Variants in SLC35D4 observed in about 807,000 individuals in gnomAD.
SLC35D4 encodes the protein solute carrier family 35 member D4, also known as UDP-N-acetylglucosamine transporter SLC35D4.
chr18:23,425,888 T>A, the SLC35D4 span, among the ~76,000 whole-genome samples: 1 of 152,200 alleles, frequency 6.6e-6, no homozygotes, highest in Non-Finnish European at 1.5e-5. Context: ...GACAATTTCC[T>A]TACATTGCAC....
chr18:23,338,170 C>A, the SLC35D4 span, among the ~76,000 whole-genome samples: 1 of 152,182 alleles, frequency 6.6e-6, no homozygotes, highest in Admixed American at 6.5e-5. Flanking sequence ...ATCAATGACT[C>A]TTTATATAGG....
the SLC35D4 span, among the ~76,000 whole-genome samples, chr18:23,287,474 AG>A: frequency 6.6e-6 from 1 of 152,146 alleles, no homozygotes; most frequent in Non-Finnish European, 1.5e-5. Context: ...CTTATCTGTT[AG>A]CTATCTCAGC....
At chr18:23,308,162 C>T in the SLC35D4 span, among the ~76,000 whole-genome samples, 1 of 152,150 alleles carries the variant, frequency 6.6e-6, no homozygotes, top group East Asian at 1.9e-4. Context: ...GAGGTCACCT[C>T]GATTTGAAGG....
chr18:23,346,740 CTA>C, the SLC35D4 span, among the ~76,000 whole-genome samples: 1 of 152,016 alleles, frequency 6.6e-6, no homozygotes, highest in Admixed American at 6.6e-5. Flanking sequence ...TGAATAGATG[CTA>C]GATTTTGTCA....
the SLC35D4 span, among the ~76,000 whole-genome samples, chr18:23,289,367 C>A: frequency 6.6e-6 from 1 of 152,216 alleles, no homozygotes; most frequent in Non-Finnish European, 1.5e-5. Context: ...TTCTCTTATT[C>A]CGTTTAGTTT....
At chr18:23,373,442 G>C in the SLC35D4 span, among the ~76,000 whole-genome samples, 5 of 152,228 alleles carry the variant, frequency 3.3e-5, no homozygotes, top group African/African-American at 7.2e-5. Context: ...AGGTTCACCA[G>C]GCATGTACAG....
the SLC35D4 span, chr18:23,368,578 C>A: frequency 1.7e-6 from 1 of 605,330 alleles, no homozygotes. Flanking sequence ...GTCTCCTCAA[C>A]TCTGTCATCT....
the SLC35D4 span, among the ~76,000 whole-genome samples, chr18:23,242,560 A>G: frequency 1.3e-5 from 2 of 151,960 alleles, no homozygotes; most frequent in South Asian, 2.1e-4. Context: ...CCCCCTCTTT[A>G]TGGGTGTGGA....
At chr18:23,299,128 A>G in the SLC35D4 span, among the ~76,000 whole-genome samples, 2 of 152,216 alleles carry the variant, frequency 1.3e-5, no homozygotes, top group African/African-American at 4.8e-5. Context: ...AATCAGGCCA[A>G]TTCAAGCTCT....
chr18:23,287,168 C>T, the SLC35D4 span, among the ~76,000 whole-genome samples: 1 of 152,208 alleles, frequency 6.6e-6, no homozygotes, highest in Non-Finnish European at 1.5e-5. Context: ...TAAAACCAGA[C>T]AAGCCTTACT....
At chr18:23,365,426 C>A in the SLC35D4 span, among the ~76,000 whole-genome samples, 2 of 152,094 alleles carry the variant, frequency 1.3e-5, no homozygotes, top group Admixed American at 1.3e-4. Context: ...TGGATGAAAA[C>A]ACAGACAACA....
At chr18:23,346,900 A>T in the SLC35D4 span, among the ~76,000 whole-genome samples, 10 of 152,218 alleles carry the variant, frequency 6.6e-5, no homozygotes, top group Admixed American at 3.3e-4. Context: ...AATTCTTTTT[A>T]TATGTTGCCA....
chr18:23,311,786 G>A, the SLC35D4 span, among the ~76,000 whole-genome samples: 1 of 152,082 alleles, frequency 6.6e-6, no homozygotes, highest in Non-Finnish European at 1.5e-5. Context: ...CATTGTTTGT[G>A]CCTGTTTGAT....
the SLC35D4 span, among the ~76,000 whole-genome samples, chr18:23,282,038 CACTTA>C: frequency 2.0e-5 from 3 of 152,240 alleles, no homozygotes; most frequent in African/African-American, 7.2e-5. Context: ...TTAACAGCTC[CACTTA>C]ACTTCTATTT....
At chr18:23,331,401 C>T in the SLC35D4 span, 2 of 152,156 alleles carry the variant, frequency 1.3e-5, no homozygotes, top group Non-Finnish European at 2.9e-5. Flanking sequence ...CCCCCCGCCA[C>T]CACCTGTAGT....
chr18:23,253,261 T>C, the SLC35D4 span, among the ~76,000 whole-genome samples: 12 of 152,168 alleles, frequency 7.9e-5, no homozygotes, highest in Non-Finnish European at 1.6e-4. Context: ...AGTGGGCGGA[T>C]CACCTGAGGT....
chr18:23,402,789 G>A, the SLC35D4 span, among the ~76,000 whole-genome samples: 1 of 149,040 alleles, frequency 6.7e-6, no homozygotes. Flanking sequence ...GGGCAGCAGG[G>A]GTAAGACCTT....
chr18:23,368,789 C>G, the SLC35D4 span: 3 of 1,355,226 alleles, frequency 2.2e-6, no homozygotes. Flanking sequence ...AATGAAGTAG[C>G]AGAACTATTT....
chr18:23,434,244 T>C, the SLC35D4 span, among the ~76,000 whole-genome samples: 126 of 152,256 alleles, frequency 8.3e-4, no homozygotes, highest in African/African-American at 2.9e-3. Context: ...CCTCCCTCTG[T>C]AGACAATCTC....
Sources: allele counts gnomAD v4.1 joint callset (sites outside exome capture counted in the v4.1 genomes callset), GRCh38; gene constraint gnomAD v4.1.1; transcripts MANE v1.5; gene names NCBI Gene and HGNC (gene_info 2026-07-23, HGNC 2026-07-21).